The following ZC3H12C variants were observed in gnomAD, a reference collection of about 807,000 sequenced individuals.
ZC3H12C encodes probable ribonuclease ZC3H12C.
In ZC3H12C, 20 loss-of-function variants were observed where a neutral mutation model predicts 76.3. That is an observed-to-expected ratio of 0.26 (90% CI 0.18 to 0.38). The LOEUF (loss-of-function observed/expected upper bound fraction) is 0.38. ZC3H12C is among the 10% of genes least tolerant of loss of function. The pLI is 1.00. For missense variants in ZC3H12C, 874 were observed against 1,086.5 expected (o/e 0.80, Z 2.75); for synonymous variants, 352 against 399.6 (o/e 0.88, Z 1.42).
chr11:110,158,979 T>C (rs1159895575), intron 3 of ZC3H12C, among the ~76,000 whole-genome samples: 86 of 152,220 alleles, frequency 5.6e-4, no homozygotes, highest in Admixed American at 5.6e-3. Context: ...AAGCAAAAGC[T>C]TCACATAATG....
chr11:110,160,626 C>T (rs1285031838), intron 4 of ZC3H12C, among the ~76,000 whole-genome samples: 1 of 152,084 alleles, frequency 6.6e-6, no homozygotes, highest in Non-Finnish European at 1.5e-5. Context: ...TATTGTTCCC[C>T]TGGAAAGTCT....
intron 1 of ZC3H12C, among the ~76,000 whole-genome samples, chr11:110,132,687 T>G (rs959112367): frequency 6.6e-6 from 1 of 151,988 alleles, no homozygotes; most frequent in South Asian, 2.1e-4. Flanking sequence ...TTTCTTGGAG[T>G]TTTTTGATAA....
intron 1 of ZC3H12C, 95 bp downstream of exon 1, chr11:110,093,527 C>A: frequency 1.0e-6 from 1 of 970,808 alleles, no homozygotes; most frequent in Non-Finnish European, 1.3e-6. Context: ...CGCGCCCGGG[C>A]GCCAGGCGGA....
At chr11:110,147,566 A>G (rs11213284) in intron 2 of ZC3H12C, among the ~76,000 whole-genome samples, 10,513 of 151,684 alleles carry the variant, frequency 0.069, 811 homozygotes, top group African/African-American at 0.19. Context: ...ATGTATACCT[A>G]TGTAACAAAC....
chr11:110,127,909 A>G lies in ZC3H12C; in HGVS notation c.22-8754A>G, dbSNP rs66736151. The stretch of plus-strand genomic sequence containing the variant: ...AGACTTACTCTCAAAAAAAAAAAAA[A>G]AGAGATTACATATTAAAGAGAGTGG... On this transcript the variant is annotated intron_variant, in intron 1 of 5. Coordinates refer to ENST00000278590, the MANE Select transcript of ZC3H12C (RefSeq NM_033390.2). Among the ~76,000 whole-genome samples, 453 of 148,398 alleles carry G rather than the reference A, an allele frequency of 3.1e-3. 5 individuals carry two copies. Among genetic ancestry groups the G allele is most frequent in the Non-Finnish European group, 3.6e-3 (241 of 67,094 alleles).
intron 1 of ZC3H12C, among the ~76,000 whole-genome samples, chr11:110,117,485 A>G (rs1426268469): frequency 6.6e-6 from 1 of 151,730 alleles, no homozygotes; most frequent in Non-Finnish European, 1.5e-5. Flanking sequence ...TTATAATTAC[A>G]TATAGCTAAC....
intron 1 of ZC3H12C, among the ~76,000 whole-genome samples, chr11:110,110,243 T>C (rs1861402893): frequency 6.6e-6 from 1 of 152,138 alleles, no homozygotes; most frequent in South Asian, 2.1e-4. Flanking sequence ...TAAACGTATT[T>C]TTCCTAGTTT....
At chr11:110,155,516 G>T (rs1160925343) in intron 3 of ZC3H12C, among the ~76,000 whole-genome samples, 1 of 143,654 alleles carries the variant, frequency 7.0e-6, no homozygotes, top group East Asian at 2.1e-4. Flanking sequence ...GACATCCCAT[G>T]CAGTACCATT....
intron 1 of ZC3H12C, among the ~76,000 whole-genome samples, chr11:110,101,722 A>AT (rs911821938): frequency 1.7e-4 from 26 of 151,736 alleles, no homozygotes; most frequent in African/African-American, 5.1e-4. Flanking sequence ...TAATTTTTGT[A>AT]TTTTTTTAGT....
intron 3 of ZC3H12C, among the ~76,000 whole-genome samples, chr11:110,158,936 G>T (rs1862427204): frequency 6.6e-6 from 1 of 152,220 alleles, no homozygotes; most frequent in Non-Finnish European, 1.5e-5. Context: ...AAGAAGCTGT[G>T]TCCATAGTGG....
At chr11:110,139,262 C>A (rs1426954716) in intron 2 of ZC3H12C, among the ~76,000 whole-genome samples, 5 of 152,070 alleles carry the variant, frequency 3.3e-5, no homozygotes, top group Admixed American at 6.5e-5. Flanking sequence ...GGAATTCAAA[C>A]CCAAAAATGT....
intron 1 of ZC3H12C, among the ~76,000 whole-genome samples, chr11:110,098,189 T>C (rs1485217776): frequency 6.6e-6 from 1 of 152,114 alleles, no homozygotes. Context: ...ATCCTGACCC[T>C]GTGTAGACCT....
At chr11:110,114,067 A>T (rs1415090436) in intron 1 of ZC3H12C, among the ~76,000 whole-genome samples, 1 of 152,168 alleles carries the variant, frequency 6.6e-6, no homozygotes, top group Non-Finnish European at 1.5e-5. Flanking sequence ...TCCGTATAGC[A>T]TTATAGACTT....
Position 110,093,443 on chromosome 11 carries a change from G to A in ZC3H12C, c.21+11G>A. The stretch of plus-strand genomic sequence containing the variant: ...GGTGGCGGCTCCCAGGTTTGTCCTC[G>A]GGAAGGGGGTGGGGGACGCGGACCG... On this transcript the variant is annotated intron_variant, in intron 1 of 5. Transcript: ENST00000278590. 8.3e-7 allele frequency: 1 copy of A among 1,206,274 alleles called. No homozygotes were observed. Among genetic ancestry groups the A allele is most frequent in the Non-Finnish European group, 1.0e-6 (1 of 967,358 alleles). 74.7% of individuals were successfully genotyped at this position (1,206,274 alleles called of 1,614,324 possible).
At position 110,171,498 on chromosome 11, in the gene ZC3H12C, G is replaced by T. The variant is rs1862678644; in HGVS notation, c.*5761G>T. The stretch of plus-strand genomic sequence containing the variant: ...TGTGATTGTATTTATCCTCTGTTCT[G>T]TGTATTTCTGTAATGGAATCTTTAC... On this transcript the variant is annotated 3_prime_UTR_variant, in exon 6 of 6. Coordinates refer to ENST00000278590, the MANE Select transcript of ZC3H12C (RefSeq NM_033390.2). 6.6e-6 allele frequency: 1 copy of T among 152,056 alleles called. No homozygotes were observed. Among genetic ancestry groups the T allele is most frequent in the Admixed American group, 6.5e-5 (1 of 15,276 alleles). 9.4% of individuals were successfully genotyped at this position (152,056 alleles called of 1,614,324 possible). A position where few individuals can be genotyped will look rare whatever the true frequency, so the allele number is the denominator to read the frequency against.
intron 1 of ZC3H12C, among the ~76,000 whole-genome samples, chr11:110,129,894 G>A (rs905689500): frequency 6.6e-6 from 1 of 151,960 alleles, no homozygotes; most frequent in African/African-American, 2.4e-5. Context: ...GTAGTACATA[G>A]TATTATACAT....
intron 1 of ZC3H12C, chr11:110,124,218 G>C (rs771593795): frequency 2.0e-5 from 3 of 152,226 alleles, no homozygotes; most frequent in Non-Finnish European, 2.9e-5. Flanking sequence ...CCCAGTGGCA[G>C]TATCAGGGCT....
chr11:110,127,430 T>A (rs556283331), intron 1 of ZC3H12C, among the ~76,000 whole-genome samples: 1 of 152,320 alleles, frequency 6.6e-6, no homozygotes, highest in South Asian at 2.1e-4. Context: ...CTCTATTCTT[T>A]TACACTATGT....
At position 110,131,378 on chromosome 11, in the gene ZC3H12C, A is replaced by C. The variant is rs550767535; in HGVS notation, c.22-5285A>C. ...ATGGCGTATAATCATTTGGAACTTA[A>C]AGTCAAGTTATAATAAATGTTCCGA... On this transcript the variant is annotated intron_variant, in intron 1 of 5. Coordinates refer to ENST00000278590, the MANE Select transcript of ZC3H12C (RefSeq NM_033390.2). The C allele has an allele frequency of 2.8e-5, 11 of 392,958 alleles. No individual in the cohort carries two copies. The East Asian group carries it at 4.4e-4, about 16-fold the overall frequency. The allele number at this position is 392,958 out of a possible 1,614,324, so 24.3% of individuals were successfully genotyped here.
Sources: gnomAD v4.1 joint callset for allele counts (sites outside exome capture counted in the v4.1 genomes callset) on GRCh38, gnomAD v4.1.1 for gene constraint, MANE v1.5 for transcripts, NCBI Gene and HGNC (gene_info 2026-07-23, HGNC 2026-07-21) for gene names.